The following EXD2 variants were observed in gnomAD, a reference collection of about 807,000 sequenced individuals.
EXD2 encodes exonuclease 3'-5' domain containing 2.
A neutral mutation model predicts 62.5 loss-of-function variants in EXD2; 40 were observed. The observed-to-expected ratio is 0.64, with a 90% CI of 0.50 to 0.83. EXD2 has a LOEUF of 0.83. Ranked by LOEUF, EXD2 falls within the 40% of genes least tolerant of loss-of-function variation. The pLI is 0.00. For missense variants in EXD2, 671 were observed against 761.8 expected, an observed-to-expected ratio of 0.88 and a Z score of 1.40; for synonymous variants, 239 against 291.9, an observed-to-expected ratio of 0.82 and a Z score of 1.85.
At chr14:69,229,193 TAAG>T in intron 4 of EXD2, 121 bp downstream of exon 4, 2 of 1,276,248 alleles carry the variant, frequency 1.6e-6, no homozygotes, top group Non-Finnish European at 2.1e-6. Flanking sequence ...TAGAGGCTTC[TAAG>T]ATGCATATTG....
At chr14:69,218,965 G>T (rs1726157041) in intron 3 of EXD2, among the ~76,000 whole-genome samples, 1 of 152,060 alleles carries the variant, frequency 6.6e-6, no homozygotes, top group Non-Finnish European at 1.5e-5. Context: ...TTGTTCTTTT[G>T]GCTTAGGATT....
chr14:69,209,677 G>A lies in EXD2; in HGVS notation c.207G>A (p.Ser69=), dbSNP rs556197203. Residue 69 remains serine (S), a synonymous_variant, in exon 3 of 10, where the codon TCG becomes TCA. Transcript: ENST00000685843. The stretch of plus-strand genomic sequence containing the variant: ...TGCACTCCAGTGCCCCCAGATCCTC[G>A]TGGAAGGAACGGATCCTTAAAGCAA... ...DQLHSSAPRS[S]WKERILKAKV... is the part of the protein sequence containing the mutation. 8.8e-5 allele frequency: 136 copies of A among 1,550,562 alleles called. 2 individuals carry two copies. The South Asian group carries it at 1.6e-3, about 18-fold the overall frequency.
chr14:69,194,821 C>T (rs1346230330), intron 1 of EXD2, among the ~76,000 whole-genome samples: 1 of 152,188 alleles, frequency 6.6e-6, no homozygotes, highest in Admixed American at 6.5e-5. Context: ...AAGTCATATA[C>T]TATATCAGCT....
intron 3 of EXD2, among the ~76,000 whole-genome samples, chr14:69,218,315 TG>T (rs1427573204): frequency 6.6e-6 from 1 of 152,260 alleles, no homozygotes; most frequent in Non-Finnish European, 1.5e-5. Context: ...ATGTGTCTTT[TG>T]GCTGCATAAA....
intron 4 of EXD2, among the ~76,000 whole-genome samples, chr14:69,230,118 G>A (rs549580495): frequency 1.3e-5 from 2 of 152,120 alleles, no homozygotes; most frequent in Non-Finnish European, 2.9e-5. Flanking sequence ...TGTGGATAGA[G>A]GCTAAAAGCT....
At position 69,235,018 on chromosome 14, in the gene EXD2, G is replaced by T; in HGVS notation, c.1036G>T (p.Gly346Cys). The T allele has an allele frequency of 6.3e-7, 1 of 1,591,276 alleles. No homozygotes were observed. The highest frequency in any genetic ancestry group is 2.2e-5 in the East Asian group (1 of 44,568). Residue 346 changes from glycine (G) to cysteine (C), a missense_variant, in exon 6 of 10, where the codon GGC becomes TGC. Gly to Cys is a radical substitution (Grantham distance 159). Coordinates refer to ENST00000685843, the MANE Select transcript of EXD2 (RefSeq NM_001193360.2). Reference sequence around the variant, plus strand: ...ACATAAAAGAAAGCCTCTGGGGGTGGGCTATTCTGCCAGGTAACTGAATCA... The same window carrying T: ...ACATAAAAGAAAGCCTCTGGGGGTGTGCTATTCTGCCAGGTAACTGAATCA... ...RKHKRKPLGV[G>C]YSARKSPLYD...
intron 3 of EXD2, chr14:69,213,932 A>T (rs980325390): frequency 3.0e-4 from 45 of 151,638 alleles, no homozygotes; most frequent in African/African-American, 9.9e-4. Flanking sequence ...CATTTTTCTT[A>T]TATCTCTGAC....
rs1331236327 is a variant in EXD2 at position 69,199,121 on chromosome 14, G to C, written c.-131-4796G>C. On this transcript the variant is annotated intron_variant, in intron 1 of 9. Transcript: ENST00000685843. ...TAGTCTTGTGTGGTGGCACACGCCT[G>C]TAGCCCCGGCTACTCAGGAGGCTGA... 5.9e-5 allele frequency among the ~76,000 whole-genome samples: 9 copies of C among 152,346 alleles called. No homozygotes were observed. The East Asian group carries it at 1.7e-3, about 29-fold the overall frequency.
At position 69,215,357 on chromosome 14, in the gene EXD2, T is replaced by G. The variant is rs1481216509; in HGVS notation, c.333+5554T>G. Among the ~76,000 whole-genome samples the G allele has an allele frequency of 6.6e-5, 10 of 151,512 alleles. No homozygotes were observed. The South Asian group carries it at 1.3e-3, about 19-fold the overall frequency. ...GTATAATACAATATATCATTTACAT[T>G]TGGGGGCTCTTGCAAAGAATGGTGC... is the stretch of plus-strand genomic sequence containing the variant. On this transcript the variant is annotated intron_variant, in intron 3 of 9. Coordinates refer to ENST00000685843, the MANE Select transcript of EXD2 (RefSeq NM_001193360.2).
At chr14:69,240,860 A>G in intron 9 of EXD2, 24 bp from the exon 10 acceptor site, 1 of 1,605,720 alleles carries the variant, frequency 6.2e-7, no homozygotes, top group Non-Finnish European at 8.5e-7. Context: ...TCCCTCAGAC[A>G]CTTTGTTTTT....
intron 3 of EXD2, among the ~76,000 whole-genome samples, chr14:69,220,253 G>GTTTTTTGTTTTTT (rs2043126549): frequency 1.4e-4 from 5 of 35,114 alleles, no homozygotes; most frequent in Middle Eastern, 0.026. Flanking sequence ...TTGTCTCTCT[G>GTTTTTTGTTTTTT]TTTTTTTTTT....
At chr14:69,233,788 T>C (rs2140026234) in intron 5 of EXD2, among the ~76,000 whole-genome samples, 1 of 148,584 alleles carries the variant, frequency 6.7e-6, no homozygotes, top group Non-Finnish European at 1.5e-5. Flanking sequence ...TTTTTTGAGA[T>C]AGAGTCCTGT....
At chr14:69,204,963 G>A (rs936172152) in intron 2 of EXD2, among the ~76,000 whole-genome samples, 1 of 152,210 alleles carries the variant, frequency 6.6e-6, no homozygotes, top group Non-Finnish European at 1.5e-5. Context: ...GACAGACAAT[G>A]AATGAACCAA....
intron 2 of EXD2, among the ~76,000 whole-genome samples, chr14:69,205,404 G>A (rs762558123): frequency 7.9e-5 from 12 of 151,848 alleles, no homozygotes; most frequent in Non-Finnish European, 1.6e-4. Context: ...GACTTCCTCA[G>A]ATTTTTTTCT....
rs573129686 is a variant in EXD2 at position 69,209,924 on chromosome 14, C to T, written c.333+121C>T. Reference sequence around the variant, plus strand: ...GGAGAATGAATTAGCTTGTTCTCAACTTGCTTATAAGCAGATTTTAGCAGA... The same window carrying T: ...GGAGAATGAATTAGCTTGTTCTCAATTTGCTTATAAGCAGATTTTAGCAGA... On this transcript the variant is annotated intron_variant, in intron 3 of 9. Coordinates refer to ENST00000685843, the MANE Select transcript of EXD2 (RefSeq NM_001193360.2). The T allele has an allele frequency of 2.4e-4, 196 of 825,248 alleles. No homozygotes were observed. The African/African-American group carries it at 3.2e-3, about 14-fold the overall frequency. The allele number at this position is 825,248 out of a possible 1,614,324, so 51.1% of individuals were successfully genotyped here.
chr14:69,218,047 C>G (rs1226949898), intron 3 of EXD2, among the ~76,000 whole-genome samples: 2 of 152,186 alleles, frequency 1.3e-5, no homozygotes, highest in African/African-American at 2.4e-5. Context: ...TGGGTATATA[C>G]CCAGTAATGG....
chr14:69,210,312 G>A (rs2042764411), intron 3 of EXD2: 1 of 154,762 alleles, frequency 6.5e-6, no homozygotes, highest in Admixed American at 6.5e-5. Context: ...TTATTACTTA[G>A]GATTTTAAAA....
At chr14:69,207,339 C>T (rs140675384) in intron 2 of EXD2, among the ~76,000 whole-genome samples, 1,867 of 151,960 alleles carry the variant, frequency 0.012, 26 homozygotes, top group East Asian at 0.056. Flanking sequence ...ACTAAAAATA[C>T]ACAAATTAGC....
Position 69,230,582 on chromosome 14 carries a change from C to T in EXD2, c.701C>T (p.Thr234Ile), listed in dbSNP as rs2043539449. ...CGTTGCAGCAACTGGGATGCTGAGA[C>T]TCTCACAGAGGACCAGGTACTTCTT... ...LLRCSNWDAE[T>I]LTEDQVIYAA... The change falls in exon 5 of 10, where the codon ACT becomes ATT. Residue 234 changes from threonine to isoleucine, a missense_variant. Physicochemically the swap from Thr to Ile is moderately conservative, Grantham distance 89. Coordinates refer to ENST00000685843, the MANE Select transcript of EXD2 (RefSeq NM_001193360.2). The T allele has an allele frequency of 6.2e-7, 1 of 1,613,070 alleles. No individual in the cohort carries two copies. The highest frequency in any genetic ancestry group is 1.7e-5 in the Admixed American group (1 of 59,716).
Sources: gnomAD v4.1 joint callset for allele counts (sites outside exome capture counted in the v4.1 genomes callset) on GRCh38, gnomAD v4.1.1 for gene constraint, MANE v1.5 for transcripts, NCBI Gene and HGNC (gene_info 2026-07-23, HGNC 2026-07-21) for gene names.